Variants in ETV3 observed in about 807,000 individuals in gnomAD.
ETV3 encodes the protein ETS variant transcription factor 3.
ETV3 carries 8 observed loss-of-function variants against 33.0 expected under a neutral mutation model. The observed-to-expected ratio is 0.24, with a 90% CI of 0.14 to 0.44. The LOEUF (loss-of-function observed/expected upper bound fraction) is 0.44, where lower values mean the gene tolerates loss of function less well. Ranked by LOEUF, ETV3 falls within the 20% of genes least tolerant of loss-of-function variation. The pLI is 1.00. For synonymous variants in ETV3, 222 were observed against 238.9 expected, an observed-to-expected ratio of 0.93 and a Z score of 0.65; for missense variants, 473 against 652.3, an observed-to-expected ratio of 0.73 and a Z score of 2.99.
At position 157,125,089 on chromosome 1, in the gene ETV3, T is replaced by C. The variant is rs1303316150; in HGVS notation, c.1291A>G (p.Ile431Val). ...TIFARPAAPP[I>V]WPSVPISTPS... The stretch of plus-strand genomic sequence containing the variant: ...GTGCTAATGGGCACAGAGGGCCAGA[T>C]GGGTGGTGCAGCAGGACGGGCAAAG... Residue 431 changes from isoleucine to valine, a missense_variant, in exon 5 of 5, where the codon ATC becomes GTC. By Grantham distance (29) the Ile-to-Val change is conservative (BLOSUM62 3). Transcript: ENST00000368192. The surrounding 1 kb of genome is among the most constrained non-coding windows in gnomAD (Gnocchi z 4.0). 1 of 1,546,002 alleles carries C rather than the reference T, an allele frequency of 6.5e-7. No homozygotes were observed. The highest frequency in any genetic ancestry group is 1.2e-5 in the South Asian group (1 of 83,078).
chr1:157,135,339 C>T, intron 3 of ETV3, 132 bp downstream of exon 3: 1 of 1,134,304 alleles, frequency 8.8e-7, no homozygotes, highest in Non-Finnish European at 1.3e-6. Context: ...TCTACTCCCA[C>T]TTTAAAGTGA....
rs1558029109 is a variant in ETV3 at position 157,125,496 on chromosome 1, G to A, written c.884C>T (p.Pro295Leu). The change falls in exon 5 of 5, where the codon CCT (proline) becomes CTT (leucine). Residue 295 changes from proline to leucine, a missense_variant. Physicochemically the swap from Pro to Leu is moderately conservative, Grantham distance 98. Coordinates refer to ENST00000368192, the MANE Select transcript of ETV3 (RefSeq NM_001145312.3). The surrounding 1 kb of genome is among the most constrained non-coding windows in gnomAD (Gnocchi z 4.0). ...ATGAAGGTAGTGTTTCATTTCCTCA[G>A]GGTTGAAGGAGAAGCAGCTGCTGCT... ...FTSSSCFSFN[P>L]EEMKHYLHSQ... The A allele has an allele frequency of 1.9e-6, 3 of 1,552,240 alleles. No individual in the cohort carries two copies. Among genetic ancestry groups the A allele is most frequent in the Non-Finnish European group, 1.7e-6 (2 of 1,147,110 alleles).
intron 4 of ETV3, among the ~76,000 whole-genome samples, chr1:157,131,686 A>G (rs930498770): frequency 2.0e-5 from 3 of 152,226 alleles, no homozygotes; most frequent in Admixed American, 2.0e-4. Flanking sequence ...TAATTTTATC[A>G]TTTGTAAAAT....
intron 4 of ETV3, among the ~76,000 whole-genome samples, chr1:157,129,202 ATTTCT>A: frequency 6.6e-6 from 1 of 152,348 alleles, no homozygotes; most frequent in South Asian, 2.1e-4. Context: ...ATCTAAAGTG[ATTTCT>A]TTTACTTATT....
intron 4 of ETV3, among the ~76,000 whole-genome samples, chr1:157,132,660 C>T (rs946082780): frequency 6.6e-6 from 1 of 151,756 alleles, no homozygotes; most frequent in African/African-American, 2.4e-5. Flanking sequence ...ATTTGAGTGG[C>T]GAGTACAGGT....
intron 1 of ETV3, 124 bp from the exon 2 acceptor site, chr1:157,136,489 T>G: frequency 1.2e-6 from 1 of 835,764 alleles, no homozygotes; most frequent in Non-Finnish European, 1.9e-6. Context: ...GCAACTCTCT[T>G]TCTTTCAAAC....
At chr1:157,136,684 T>C (rs1031457802) in intron 1 of ETV3, among the ~76,000 whole-genome samples, 1 of 152,144 alleles carries the variant, frequency 6.6e-6, no homozygotes, top group African/African-American at 2.4e-5. Context: ...AAAAGGAAGG[T>C]ACAGTGAAAT....
chr1:157,137,815 A>T (rs1675156665), intron 1 of ETV3, among the ~76,000 whole-genome samples: 1 of 151,692 alleles, frequency 6.6e-6, no homozygotes, highest in African/African-American at 2.4e-5. Context: ...CAGCTCTCCA[A>T]TTTTCCCCAT....
intron 4 of ETV3, among the ~76,000 whole-genome samples, chr1:157,130,499 T>C (rs772006983): frequency 2.0e-5 from 3 of 152,228 alleles, no homozygotes; most frequent in Non-Finnish European, 4.4e-5. Context: ...AAACTGGGTC[T>C]GAATCTCAGT....
chr1:157,133,834 T>G lies in ETV3; in HGVS notation c.400+278A>C, dbSNP rs1046866054. ...TCATCACAAACCTATGAAACATCATTCCCAAACAAGATAGCGTAATAGTAT... is the reference window on the plus strand; with the variant it reads ...TCATCACAAACCTATGAAACATCATGCCCAAACAAGATAGCGTAATAGTAT... On this transcript the variant is annotated intron_variant, in intron 4 of 4. Transcript: ENST00000368192. 1.4e-5 allele frequency: 17 copies of G among 1,194,532 alleles called. No individual in the cohort carries two copies. In the Admixed American group the frequency reaches 3.0e-4, roughly 21 times the overall value. The allele number at this position is 1,194,532 out of a possible 1,614,324, so 74.0% of individuals were successfully genotyped here.
chr1:157,132,237 C>T (rs891507751), intron 4 of ETV3, among the ~76,000 whole-genome samples: 1 of 152,230 alleles, frequency 6.6e-6, no homozygotes, highest in Non-Finnish European at 1.5e-5. Context: ...CATGAGCCAC[C>T]TGGCCCGGCC....
At chr1:157,135,102 G>A (rs567559277) in intron 3 of ETV3, 4 of 271,562 alleles carry the variant, frequency 1.5e-5, no homozygotes, top group South Asian at 6.4e-5. Context: ...TTTCAGGGAA[G>A]CCCAAAGAAA....
chr1:157,123,512 T>C lies in ETV3; in HGVS notation c.*1329A>G, dbSNP rs1238656154. 1 of 152,246 alleles carries C rather than the reference T, an allele frequency of 6.6e-6. No individual in the cohort carries two copies. Among genetic ancestry groups the C allele is most frequent in the Non-Finnish European group, 1.5e-5 (1 of 68,034 alleles). 9.4% of individuals were successfully genotyped at this position (152,246 alleles called of 1,614,324 possible). A position where few individuals can be genotyped will look rare whatever the true frequency, so the allele number is the denominator to read the frequency against. On this transcript the variant is annotated 3_prime_UTR_variant, in exon 5 of 5. Coordinates refer to ENST00000368192, the MANE Select transcript of ETV3 (RefSeq NM_001145312.3). ...ACCACAACAGGACAGATGCCAACTC[T>C]CATTCATGCCAGGCCTTTTGGCATC...
chr1:157,126,711 C>T (rs1158479326), intron 4 of ETV3, among the ~76,000 whole-genome samples: 12 of 151,188 alleles, frequency 7.9e-5, no homozygotes, highest in East Asian at 3.9e-4. Flanking sequence ...GCTGCTCTGG[C>T]TGACTGTGCG....
In ETV3 at chr1:157,121,317, AACATT is replaced by A. The variant is rs1674707471; in HGVS notation, c.*3519_*3523del. The A allele has an allele frequency of 6.6e-6, 1 of 151,792 alleles. No individual in the cohort carries two copies. Among genetic ancestry groups the A allele is most frequent in the South Asian group, 2.1e-4 (1 of 4,826 alleles). 9.4% of individuals were successfully genotyped at this position (151,792 alleles called of 1,614,324 possible). A position where few individuals can be genotyped will look rare whatever the true frequency, so the allele number is the denominator to read the frequency against. On this transcript the variant is annotated 3_prime_UTR_variant, in exon 5 of 5. Transcript: ENST00000368192. ...ATGTATATTATACATATATTTCTAT[AACATT>A]ACATCATATATATATAATATATATG...
chr1:157,130,153 T>G (rs1674935446), intron 4 of ETV3, among the ~76,000 whole-genome samples: 1 of 152,154 alleles, frequency 6.6e-6, no homozygotes, highest in Non-Finnish European at 1.5e-5. Flanking sequence ...AAATCTAGTT[T>G]TTTATTAAAA....
Position 157,124,238 on chromosome 1 carries a change from C to CAAAAAAAAAAAAAAAAA in ETV3, c.*586_*602dup, listed in dbSNP as rs11348539. 1.5e-5 allele frequency: 1 copy of CAAAAAAAAAAAAAAAAA among 67,688 alleles called. No individual in the cohort carries two copies. Among genetic ancestry groups the CAAAAAAAAAAAAAAAAA allele is most frequent in the African/African-American group, 5.6e-5 (1 of 17,726 alleles). 4.2% of individuals were successfully genotyped at this position (67,688 alleles called of 1,614,324 possible). A position where few individuals can be genotyped will look rare whatever the true frequency, so the allele number is the denominator to read the frequency against. On this transcript the variant is annotated 3_prime_UTR_variant, in exon 5 of 5. Coordinates refer to ENST00000368192, the MANE Select transcript of ETV3 (RefSeq NM_001145312.3). ...GAAAAAAATGCCAAACAACACCAACCAAAAAAAAAAAAAAAAAAAAAAGAA... is the reference window on the plus strand; with the variant it reads ...GAAAAAAATGCCAAACAACACCAACCAAAAAAAAAAAAAAAAAAAAAAAAAAAAAAAAAAAAAAAGAA...
At chr1:157,137,125 AT>A (rs1675130725) in intron 1 of ETV3, among the ~76,000 whole-genome samples, 1 of 152,164 alleles carries the variant, frequency 6.6e-6, no homozygotes. Context: ...ATTTGAATTC[AT>A]TCCATCCAGA....
chr1:157,125,916 A>G lies in ETV3; in HGVS notation c.464T>C (p.Leu155Pro). 6.4e-7 allele frequency: 1 copy of G among 1,551,800 alleles called. No individual in the cohort carries two copies. Among genetic ancestry groups the G allele is most frequent in the Non-Finnish European group, 8.7e-7 (1 of 1,147,012 alleles). Reference protein sequence around the residue: ...TASSRFHFPPLDTHSPTNDVQ... With the variant: ...TASSRFHFPPPDTHSPTNDVQ... ...ATCATTGGTTGGAGAATGGGTGTCC[A>G]GAGGTGGGAAATGGAACCGGGAAGA... The change falls in exon 5 of 5, where the codon CTG becomes CCG. Residue 155 changes from leucine (L) to proline (P), a missense_variant. Leu to Pro is a moderately conservative substitution (Grantham distance 98). This residue lies in a region of ETV3 where 410 missense variants were observed against 520.2 expected (regional missense o/e 0.79). Transcript: ENST00000368192. This position sits in a 1 kb window ranked among gnomAD's most constrained non-coding sequence, Gnocchi z 4.0.
Sources: allele counts gnomAD v4.1 joint callset (sites outside exome capture counted in the v4.1 genomes callset), GRCh38; gene constraint gnomAD v4.1.1; regional missense constraint gnomAD v4.1.1; non-coding constraint Gnocchi (gnomAD v3.1); transcripts MANE v1.5; gene names NCBI Gene and HGNC (gene_info 2026-07-23, HGNC 2026-07-21).